Variants in EPB41L2 observed in about 807,000 individuals in gnomAD.
EPB41L2 encodes the protein band 4.1-like protein 2.
In EPB41L2, 43 loss-of-function variants were observed where a neutral mutation model predicts 113.0. That is an observed-to-expected ratio of 0.38 (90% CI 0.30 to 0.49). EPB41L2 has a LOEUF of 0.49. EPB41L2 is among the 20% of genes least tolerant of loss of function. The probability of loss-of-function intolerance (pLI) is 0.95; values close to 1 mark genes in which losing one functional copy is unlikely to be tolerated. For synonymous variants in EPB41L2, 442 were observed against 436.7 expected, an observed-to-expected ratio of 1.01 and a Z score of -0.15; for missense variants, 1,147 against 1,223.4, an observed-to-expected ratio of 0.94 and a Z score of 0.93.
chr6:130,889,825 A>T (rs1002942461), intron 11 of EPB41L2, among the ~76,000 whole-genome samples: 5 of 152,192 alleles, frequency 3.3e-5, no homozygotes, highest in Admixed American at 6.5e-5. Flanking sequence ...GTGCACTGAC[A>T]ATACAGGTTG....
intron 4 of EPB41L2, among the ~76,000 whole-genome samples, chr6:130,910,464 T>A (rs186091089): frequency 6.6e-6 from 1 of 152,218 alleles, no homozygotes; most frequent in Non-Finnish European, 1.5e-5. Flanking sequence ...GACATAGGCA[T>A]GGGCAAAGCC....
intron 19 of EPB41L2, among the ~76,000 whole-genome samples, chr6:130,842,205 T>C (rs1775729056): frequency 6.6e-6 from 1 of 152,188 alleles, no homozygotes; most frequent in African/African-American, 2.4e-5. Flanking sequence ...TCAGGACAGA[T>C]TGATTAATCA....
chr6:131,046,034 T>C (rs1392897130), intron 1 of EPB41L2, among the ~76,000 whole-genome samples: 1 of 150,040 alleles, frequency 6.7e-6, no homozygotes, highest in Non-Finnish European at 1.5e-5. Flanking sequence ...GTAGCCTCCA[T>C]CTCTGGAGTT....
chr6:130,875,854 C>G (rs982341603), intron 14 of EPB41L2, among the ~76,000 whole-genome samples: 2 of 151,892 alleles, frequency 1.3e-5, no homozygotes, highest in African/African-American at 4.8e-5. Flanking sequence ...AAAAATTAGC[C>G]AGACTTGGTA....
At chr6:131,017,971 TTTC>T (rs1217517671) in intron 1 of EPB41L2, among the ~76,000 whole-genome samples, 4 of 152,242 alleles carry the variant, frequency 2.6e-5, no homozygotes, top group Non-Finnish European at 4.4e-5. Context: ...TATCTGCCTT[TTTC>T]TTATTAATTT....
intron 1 of EPB41L2, among the ~76,000 whole-genome samples, chr6:131,020,925 A>T (rs778658388): frequency 8.5e-5 from 13 of 152,066 alleles, no homozygotes; most frequent in Non-Finnish European, 1.9e-4. Context: ...AAGGAGCTGG[A>T]ACTACAGGCA....
intron 4 of EPB41L2, among the ~76,000 whole-genome samples, chr6:130,919,871 T>C (rs1802323161): frequency 6.6e-6 from 1 of 152,206 alleles, no homozygotes; most frequent in Non-Finnish European, 1.5e-5. Flanking sequence ...ATACTAATTC[T>C]TGGTTGGCTC....
intron 1 of EPB41L2, among the ~76,000 whole-genome samples, chr6:131,058,048 A>G (rs1797931948): frequency 6.6e-6 from 1 of 152,226 alleles, no homozygotes; most frequent in South Asian, 2.1e-4. Context: ...TTTATTCCAG[A>G]TTATTTGGGA....
At chr6:130,900,642 G>A (rs1186700800) in intron 7 of EPB41L2, among the ~76,000 whole-genome samples, 5 of 152,180 alleles carry the variant, frequency 3.3e-5, no homozygotes, top group Non-Finnish European at 5.9e-5. Context: ...TAAAGTAAAT[G>A]TCAAATAAGT....
At chr6:131,043,159 G>A (rs1794769138) in intron 1 of EPB41L2, among the ~76,000 whole-genome samples, 1 of 152,000 alleles carries the variant, frequency 6.6e-6, no homozygotes, top group South Asian at 2.1e-4. Context: ...AAATTAGCTG[G>A]GTGTAGTGGC....
chr6:130,966,238 T>C (rs1775142653), intron 1 of EPB41L2, among the ~76,000 whole-genome samples: 1 of 152,144 alleles, frequency 6.6e-6, no homozygotes. Context: ...AAGCTCAGGA[T>C]CCATGTCCAT....
At chr6:131,054,696 C>T (rs971905589) in intron 1 of EPB41L2, among the ~76,000 whole-genome samples, 3 of 152,138 alleles carry the variant, frequency 2.0e-5, no homozygotes, top group African/African-American at 4.8e-5. Context: ...ACCGTCATTA[C>T]GAGACTGAAG....
intron 10 of EPB41L2, 103 bp from the exon 11 acceptor site, chr6:130,890,569 T>C: frequency 7.7e-7 from 1 of 1,299,510 alleles, no homozygotes; most frequent in Non-Finnish European, 1.0e-6. Context: ...CTTTCATATC[T>C]CATTTTAAGT....
intron 7 of EPB41L2, among the ~76,000 whole-genome samples, chr6:130,900,233 TA>T (rs1795924701): frequency 1.3e-5 from 2 of 152,238 alleles, no homozygotes; most frequent in Non-Finnish European, 2.9e-5. Flanking sequence ...TCAAATACCA[TA>T]TTTTTTTTAA....
intron 4 of EPB41L2, among the ~76,000 whole-genome samples, chr6:130,916,627 G>A (rs1287721338): frequency 6.6e-6 from 1 of 152,092 alleles, no homozygotes; most frequent in Non-Finnish European, 1.5e-5. Context: ...TCCTCCCGTG[G>A]CTTTCATGAC....
At chr6:130,918,830 A>G (rs1801955225) in intron 4 of EPB41L2, among the ~76,000 whole-genome samples, 1 of 152,184 alleles carries the variant, frequency 6.6e-6, no homozygotes, top group Non-Finnish European at 1.5e-5. Context: ...AGATCCTTAC[A>G]TCATTATATT....
intron 1 of EPB41L2, among the ~76,000 whole-genome samples, chr6:131,051,208 C>T (rs62422380): frequency 0.28 from 42,648 of 151,704 alleles, 7,099 homozygotes; most frequent in Non-Finnish European, 0.37. Flanking sequence ...GACTTTTCTA[C>T]CTCCCTCTAT....
intron 3 of EPB41L2, 113 bp from the exon 4 acceptor site, chr6:130,926,822 GT>G (rs1388023667): frequency 1.5e-6 from 1 of 669,762 alleles, no homozygotes; most frequent in South Asian, 2.2e-5. Flanking sequence ...TTAAATATTT[GT>G]TTTCTCATTT....
At chr6:131,056,875 T>G (rs1027716206) in intron 1 of EPB41L2, among the ~76,000 whole-genome samples, 1 of 152,060 alleles carries the variant, frequency 6.6e-6, no homozygotes, top group South Asian at 2.1e-4. Flanking sequence ...TCAAAGAAAT[T>G]TGTAAGGAAA....
Sources: allele counts gnomAD v4.1 joint callset (sites outside exome capture counted in the v4.1 genomes callset), GRCh38; gene constraint gnomAD v4.1.1; transcripts MANE v1.5; gene names NCBI Gene and HGNC (gene_info 2026-07-23, HGNC 2026-07-21).